The following SLC35A5 variants were observed in gnomAD, a reference collection of about 807,000 sequenced individuals.
The protein encoded by SLC35A5 is UDP-sugar transporter protein SLC35A5.
In SLC35A5, 28 loss-of-function variants were observed where a neutral mutation model predicts 36.3. The ratio of observed to expected loss-of-function variants is 0.77; its 90% CI spans 0.57 to 1.06. The LOEUF (loss-of-function observed/expected upper bound fraction) is 1.06, where lower values mean the gene tolerates loss of function less well. SLC35A5 is among the 50% of genes least tolerant of loss of function. The pLI, the probability that SLC35A5 is intolerant of heterozygous loss-of-function variation, is 0.00. For missense variants in SLC35A5, 521 were observed against 499.3 expected (o/e 1.04, Z -0.41); for synonymous variants, 180 against 173.7 (o/e 1.04, Z -0.29).
In SLC35A5 at chr3:112,563,414, A is replaced by G; in HGVS notation, c.11A>G (p.Gln4Arg). The G allele has an allele frequency of 1.3e-6, 2 of 1,521,080 alleles. No individual in the cohort carries two copies. The highest frequency in any genetic ancestry group is 1.8e-6 in the Non-Finnish European group (2 of 1,119,286). The allele number at this position is 1,521,080 out of a possible 1,614,324, so 94.2% of individuals were successfully genotyped here. The change falls in exon 2 of 7, where the codon CAG becomes CGG. Residue 4 changes from glutamine (Q) to arginine (R), a missense_variant. Coordinates refer to ENST00000492406, the MANE Select transcript of SLC35A5 (RefSeq NM_017945.5). ...TTAAAAAACAGTGGAATGGAAAAAC[A>G]GTGCTGTAGTCATCCTGTAATATGC... MEK[Q>R]CCSHPVICSL...
intron 4 of SLC35A5, among the ~76,000 whole-genome samples, chr3:112,571,936 T>TG (rs1934459808): frequency 7.7e-6 from 1 of 130,202 alleles, no homozygotes; most frequent in Admixed American, 7.8e-5. Flanking sequence ...TTTTTTTTTT[T>TG]TTTTTTTTTT....
intron 2 of SLC35A5, among the ~76,000 whole-genome samples, chr3:112,563,974 T>C (rs1010364915): frequency 7.2e-5 from 11 of 152,246 alleles, no homozygotes; most frequent in African/African-American, 2.7e-4. Context: ...GTATAAATTA[T>C]AAGCTTTGAT....
chr3:112,574,282 T>A (rs542136213), intron 5 of SLC35A5, among the ~76,000 whole-genome samples: 1 of 152,246 alleles, frequency 6.6e-6, no homozygotes, highest in Non-Finnish European at 1.5e-5. Context: ...TCTGCACTAA[T>A]AGGGAAGCAA....
chr3:112,568,119 A>G (rs1405204540), intron 2 of SLC35A5, among the ~76,000 whole-genome samples: 1 of 152,152 alleles, frequency 6.6e-6, no homozygotes, highest in Admixed American at 6.5e-5. Context: ...ATTCCATTTC[A>G]CTTCACACAC....
At chr3:112,573,751 T>G in intron 4 of SLC35A5, 138 bp from the exon 5 acceptor site, 5 of 670,234 alleles carry the variant, frequency 7.5e-6, no homozygotes, top group South Asian at 7.4e-5. Context: ...AATTTAATCC[T>G]TAGTTGAAAT....
At chr3:112,570,868 G>A (rs114867148) in intron 4 of SLC35A5, among the ~76,000 whole-genome samples, 198 bp downstream of exon 4, 614 of 152,168 alleles carry the variant, frequency 4.0e-3, no homozygotes, top group Middle Eastern at 0.017. Context: ...CAAGATTACT[G>A]TATTAAACTG....
At chr3:112,576,930 A>G (rs1432859364) in intron 5 of SLC35A5, among the ~76,000 whole-genome samples, 2 of 152,156 alleles carry the variant, frequency 1.3e-5, no homozygotes, top group African/African-American at 2.4e-5. Flanking sequence ...TAGCAGCTTA[A>G]TAGTTCTATC....
At chr3:112,570,804 A>T in intron 4 of SLC35A5, 134 bp downstream of exon 4, 1 of 837,470 alleles carries the variant, frequency 1.2e-6, no homozygotes, top group South Asian at 2.1e-5. Context: ...AGATTTCCCC[A>T]GAATTATCTG....
intron 5 of SLC35A5, among the ~76,000 whole-genome samples, chr3:112,574,333 T>A (rs921433938): frequency 1.3e-5 from 2 of 152,230 alleles, no homozygotes; most frequent in African/African-American, 4.8e-5. Flanking sequence ...ATTTGTAGTT[T>A]GGAGATGATA....
chr3:112,561,411 G>C, upstream of SLC35A5: 2 of 1,593,224 alleles, frequency 1.3e-6, no homozygotes, highest in Non-Finnish European at 1.7e-6. Context: ...TCCCTGAAAA[G>C]TCGAGCATGT....
intron 5 of SLC35A5, among the ~76,000 whole-genome samples, chr3:112,578,030 A>G (rs549428630): frequency 6.6e-6 from 1 of 152,212 alleles, no homozygotes; most frequent in Non-Finnish European, 1.5e-5. Flanking sequence ...AGTTGCTAGG[A>G]AAACTTATAG....
At chr3:112,570,973 G>A (rs9870297) in intron 4 of SLC35A5, among the ~76,000 whole-genome samples, 8 of 152,160 alleles carry the variant, frequency 5.3e-5, no homozygotes, top group African/African-American at 1.4e-4. Context: ...TTTCTGAGAC[G>A]TCCTGTGGCC....
intron 2 of SLC35A5, among the ~76,000 whole-genome samples, chr3:112,564,756 G>C (rs1934117884): frequency 6.6e-6 from 1 of 152,192 alleles, no homozygotes; most frequent in Admixed American, 6.5e-5. Flanking sequence ...GCTTTCCACA[G>C]TGTTTTGTGT....
At chr3:112,561,448 C>T (rs569374853), upstream of SLC35A5, 1 of 1,612,922 alleles carries the variant, frequency 6.2e-7, no homozygotes. Context: ...CAACCCTGGC[C>T]TGGCTTACCT....
At chr3:112,570,430 C>A (rs1000365234) in intron 3 of SLC35A5, 110 bp from the exon 4 acceptor site, 4 of 1,241,276 alleles carry the variant, frequency 3.2e-6, no homozygotes, top group South Asian at 1.6e-5. Context: ...AATGGAGGCA[C>A]GTTTATAAAG....
Position 112,582,907 on chromosome 3 carries a change from G to A in SLC35A5, c.*171G>A, listed in dbSNP as rs763874673. 18 of 530,316 alleles carry A rather than the reference G, an allele frequency of 3.4e-5. No homozygotes were observed. Among genetic ancestry groups the A allele is most frequent in the Non-Finnish European group, 5.3e-5 (16 of 303,474 alleles). The allele number at this position is 530,316 out of a possible 1,614,324, so 32.9% of individuals were successfully genotyped here. ...CCATCCAAGGCTTAGAGTACCCAAA[G>A]GCTAAGAAATTCTAAAGAACTGATA... On this transcript the variant is annotated 3_prime_UTR_variant, in exon 7 of 7. Transcript: ENST00000492406.
intron 4 of SLC35A5, 147 bp downstream of exon 4, chr3:112,570,817 T>A (rs1576750210): frequency 2.6e-6 from 2 of 763,164 alleles, no homozygotes; most frequent in East Asian, 6.1e-5. Flanking sequence ...ATTATCTGAG[T>A]CCTGAATTAT....
chr3:112,580,515 T>A, intron 5 of SLC35A5, 31 bp from the exon 6 acceptor site: 2 of 1,556,288 alleles, frequency 1.3e-6, no homozygotes, highest in Non-Finnish European at 8.7e-7. Context: ...GGGAAAACAG[T>A]AGTAAAATCT....
Position 112,580,685 on chromosome 3 carries a change from A to T in SLC35A5, c.568A>T (p.Asn190Tyr). 1 of 1,614,126 alleles carries T rather than the reference A, an allele frequency of 6.2e-7. No individual in the cohort carries two copies. The highest frequency in any genetic ancestry group is 2.2e-5 in the East Asian group (1 of 44,880). Residue 190 changes from asparagine (N) to tyrosine (Y), a missense_variant, in exon 6 of 7, where the codon AAT becomes TAT. Transcript: ENST00000492406. ...TCACGATGCCTTTTTCAGCCCTTCC[A>T]ATTCCTGCCTTCTTTTCAGAAGTGA... ...FHHDAFFSPS[N>Y]SCLLFRSECP...
Sources: allele counts gnomAD v4.1 joint callset (sites outside exome capture counted in the v4.1 genomes callset), GRCh38; gene constraint gnomAD v4.1.1; transcripts MANE v1.5; gene names NCBI Gene and HGNC (gene_info 2026-07-23, HGNC 2026-07-21).